Variants in PROSER2 observed in about 807,000 individuals in gnomAD.
PROSER2 encodes proline and serine rich 2.
Under a neutral mutation model 14.6 loss-of-function variants are expected in PROSER2, and 18 were observed. The observed-to-expected ratio is 1.23, with a 90% CI of 0.85 to 1.83. The LOEUF is 1.83. Among genes scored for constraint, PROSER2 ranks in the 40% most tolerant of loss-of-function variants. PROSER2 has a pLI of 0.00. For synonymous variants in PROSER2, 367 were observed against 286.4 expected (o/e 1.28, Z -2.84); for missense variants, 823 against 629.8 (o/e 1.31, Z -3.28).
chr10:11,844,423 C>G (rs532770172), intron 1 of PROSER2, among the ~76,000 whole-genome samples: 2 of 152,220 alleles, frequency 1.3e-5, no homozygotes, highest in Non-Finnish European at 2.9e-5. Context: ...CTACCCCTCA[C>G]GCCCAACAAT....
At chr10:11,841,853 C>A (rs541780763) in intron 1 of PROSER2, among the ~76,000 whole-genome samples, 1 of 152,272 alleles carries the variant, frequency 6.6e-6, no homozygotes, top group East Asian at 1.9e-4. Context: ...GAAGCTGTTG[C>A]GTATAATGTG....
In PROSER2 at chr10:11,825,122, G is replaced by T. The variant is rs181389400; in HGVS notation, c.-82+1652G>T. Among the ~76,000 whole-genome samples the T allele has an allele frequency of 1.1e-3, 163 of 152,316 alleles. 1 individual carries two copies. Among genetic ancestry groups the T allele is most frequent in the African/African-American group, 3.6e-3 (151 of 41,572 alleles). ...TCCAAAGTTCTTAGACACCCAAGGC[G>T]CCCAGAGTTGGCACTGTGTGTTGAT... On this transcript the variant is annotated intron_variant, in intron 1 of 3. Transcript: ENST00000277570.
rs1327765240 is a variant in PROSER2, at chr10:11,870,038, G to A, written c.940G>A (p.Glu314Lys). The A allele has an allele frequency of 3.1e-5, 39 of 1,238,408 alleles. No homozygotes were observed. Among genetic ancestry groups the A allele is most frequent in the Non-Finnish European group, 3.8e-5 (38 of 991,520 alleles). 76.7% of individuals were successfully genotyped at this position (1,238,408 alleles called of 1,614,324 possible). A position where few individuals can be genotyped will look rare whatever the true frequency, so the allele number is the denominator to read the frequency against. ...GGCCCCAGGGGGCGGCTCCTCCCCG[G>A]AGCGGGTGGCGCGTGGCCGGGGCCT... ...EGAPGGGSSPERVARGRGLPG... is the reference protein window; with the variant it reads ...EGAPGGGSSPKRVARGRGLPG... The change falls in exon 4 of 4, where the codon GAG (glutamate) becomes AAG (lysine). Residue 314 changes from glutamate (E) to lysine (K), a missense_variant. Transcript: ENST00000277570.
chr10:11,833,987 T>G (rs1201481208), intron 1 of PROSER2, among the ~76,000 whole-genome samples: 1 of 18,472 alleles, frequency 5.4e-5, no homozygotes, highest in African/African-American at 1.7e-4. Flanking sequence ...GCTCTTTCTT[T>G]TTTTTTTTTT....
intron 2 of PROSER2, among the ~76,000 whole-genome samples, chr10:11,853,461 A>G (rs576970250): frequency 6.6e-4 from 101 of 152,184 alleles, no homozygotes; most frequent in African/African-American, 2.4e-3. Flanking sequence ...GGTGGTGGGC[A>G]CCTGTAATCC....
At chr10:11,857,564 G>C (rs2131078651) in intron 2 of PROSER2, among the ~76,000 whole-genome samples, 1 of 152,144 alleles carries the variant, frequency 6.6e-6, no homozygotes, top group African/African-American at 2.4e-5. Context: ...GGCCAACATG[G>C]TGAAACTCCG....
At chr10:11,851,762 A>T (rs1282819715) in intron 1 of PROSER2, 1 of 181,938 alleles carries the variant, frequency 5.5e-6, no homozygotes, top group Admixed American at 6.2e-5. Context: ...TATCTCTGAA[A>T]AAAAAACAAC....
intron 2 of PROSER2, among the ~76,000 whole-genome samples, chr10:11,864,213 T>G (rs1382256344): frequency 6.6e-6 from 1 of 152,228 alleles, no homozygotes; most frequent in Non-Finnish European, 1.5e-5. Flanking sequence ...AGTTCACAAT[T>G]TATCCGGGTT....
At chr10:11,843,233 C>T (rs1376830650) in intron 1 of PROSER2, among the ~76,000 whole-genome samples, 1 of 150,608 alleles carries the variant, frequency 6.6e-6, no homozygotes, top group Non-Finnish European at 1.5e-5. Flanking sequence ...AGCCACCGCA[C>T]CCAGCCTTGC....
intron 2 of PROSER2, among the ~76,000 whole-genome samples, chr10:11,859,008 CAAAA>C (rs750181845): frequency 2.0e-4 from 12 of 61,156 alleles, no homozygotes; most frequent in African/African-American, 6.6e-4. Context: ...GACTCTGTCT[CAAAA>C]AAAAAAAAAA....
chr10:11,869,637 C>T lies in PROSER2; in HGVS notation c.539C>T (p.Pro180Leu), dbSNP rs767561195. 1.9e-6 allele frequency: 3 copies of T among 1,597,106 alleles called. No homozygotes were observed. Among genetic ancestry groups the T allele is most frequent in the Non-Finnish European group, 2.6e-6 (3 of 1,171,496 alleles). ...AGGAGGGAGCTGCGCGCCCCCTCCC[C>T]GCCGGTGGAGCACCCCAGACTCCTG... is the stretch of plus-strand genomic sequence containing the variant. ...PPRRELRAPSPPVEHPRLLRS... is the reference protein window; with the variant it reads ...PPRRELRAPSLPVEHPRLLRS... The change falls in exon 4 of 4, where the codon CCG (proline) becomes CTG (leucine). Residue 180 changes from proline (P) to leucine (L), a missense_variant. Physicochemically the swap from Pro to Leu is moderately conservative, Grantham distance 98. Transcript: ENST00000277570. This position sits in a 1 kb window ranked among gnomAD's most constrained non-coding sequence, Gnocchi z 4.4.
In PROSER2 at chr10:11,852,159, A is replaced by G. The variant is rs1834032238; in HGVS notation, c.82A>G (p.Arg28Gly). The change falls in exon 2 of 4, where the codon AGA becomes GGA. Residue 28 changes from arginine to glycine, a missense_variant. By Grantham distance (125) the Arg-to-Gly change is moderately radical. Coordinates refer to ENST00000277570, the MANE Select transcript of PROSER2 (RefSeq NM_153256.4). ...SPSCRLRAFS[R>G]GGSLESRSSS... ...CAGCTGCAGGCTCCGAGCCTTCAGC[A>G]GAGGCGGCAGCCTGGAGAGTCGAAG... The G allele has an allele frequency of 1.2e-6, 2 of 1,613,422 alleles. No individual in the cohort carries two copies. The highest frequency in any genetic ancestry group is 1.7e-5 in the Admixed American group (1 of 59,924).
chr10:11,859,354 G>A (rs1349081426), intron 2 of PROSER2, among the ~76,000 whole-genome samples: 5 of 152,158 alleles, frequency 3.3e-5, no homozygotes, highest in Non-Finnish European at 1.5e-5. Context: ...CATGAACCAG[G>A]AGGCGGAGGT....
chr10:11,866,676 A>G lies in PROSER2; in HGVS notation c.284A>G (p.Glu95Gly). ...GVCCLCSPSL[E>G]ESTSSPSEPE... Reference sequence around the variant, plus strand: ...TGCTGCCTCTGCTCCCCGTCTCTGGAGGAGAGCACCTCCAGTCCCTCCGAG... The same window carrying G: ...TGCTGCCTCTGCTCCCCGTCTCTGGGGGAGAGCACCTCCAGTCCCTCCGAG... Residue 95 changes from glutamate to glycine, a missense_variant, in exon 3 of 4, where the codon GAG becomes GGG. By Grantham distance (98) the Glu-to-Gly change is moderately conservative. Transcript: ENST00000277570. The surrounding 1 kb of genome is among the most constrained non-coding windows in gnomAD (Gnocchi z 6.0). 6.2e-7 allele frequency: 1 copy of G among 1,614,068 alleles called. No individual in the cohort carries two copies. Among genetic ancestry groups the G allele is most frequent in the Non-Finnish European group, 8.5e-7 (1 of 1,180,006 alleles).
In PROSER2 at chr10:11,866,057, A is replaced by G. The variant is rs757552022; in HGVS notation, c.139-474A>G. On this transcript the variant is annotated intron_variant, in intron 2 of 3. Coordinates refer to ENST00000277570, the MANE Select transcript of PROSER2 (RefSeq NM_153256.4). The surrounding 1 kb of genome is among the most constrained non-coding windows in gnomAD (Gnocchi z 6.0). The stretch of plus-strand genomic sequence containing the variant: ...CCCCAAAGATGATGCGTGCTCCACC[A>G]TCTCTCTTCCTGTTATTTTGTCATT... Among the ~76,000 whole-genome samples the G allele has an allele frequency of 6.6e-6, 1 of 151,868 alleles. No homozygotes were observed. The highest frequency in any genetic ancestry group is 1.5e-5 in the Non-Finnish European group (1 of 67,976).
chr10:11,833,243 T>TTTTTTC, intron 1 of PROSER2, among the ~76,000 whole-genome samples: 2 of 142,862 alleles, frequency 1.4e-5, no homozygotes, highest in Non-Finnish European at 3.0e-5. Context: ...GGCTTTTTTT[T>TTTTTTC]TTTTTTTTTT....
rs1834492475 is a variant in PROSER2 at position 11,871,682 on chromosome 10, T to C, written c.*1276T>C. ...GCCACAAGCGTTATCATCAAAACTA[T>C]TTAAGGCTGGAGTCTTAGACCTCTA... On this transcript the variant is annotated 3_prime_UTR_variant, in exon 4 of 4. Coordinates refer to ENST00000277570, the MANE Select transcript of PROSER2 (RefSeq NM_153256.4). 6.6e-6 allele frequency: 1 copy of C among 152,220 alleles called. No individual in the cohort carries two copies. The highest frequency in any genetic ancestry group is 2.4e-5 in the African/African-American group (1 of 41,454). 9.4% of individuals were successfully genotyped at this position (152,220 alleles called of 1,614,324 possible). A position where few individuals can be genotyped will look rare whatever the true frequency, so the allele number is the denominator to read the frequency against.
At position 11,869,643 on chromosome 10, in the gene PROSER2, T is replaced by C. The variant is rs753667639; in HGVS notation, c.545T>C (p.Val182Ala). Residue 182 changes from valine (V) to alanine (A), a missense_variant, in exon 4 of 4, where the codon GTG (valine) becomes GCG (alanine). Coordinates refer to ENST00000277570, the MANE Select transcript of PROSER2 (RefSeq NM_153256.4). The surrounding 1 kb of genome is among the most constrained non-coding windows in gnomAD (Gnocchi z 4.4). ...RRELRAPSPP[V>A]EHPRLLRSVP... ...GAGCTGCGCGCCCCCTCCCCGCCGGTGGAGCACCCCAGACTCCTGCGCTCT... is the reference window on the plus strand; with the variant it reads ...GAGCTGCGCGCCCCCTCCCCGCCGGCGGAGCACCCCAGACTCCTGCGCTCT... 6.2e-7 allele frequency: 1 copy of C among 1,601,270 alleles called. No homozygotes were observed. Among genetic ancestry groups the C allele is most frequent in the South Asian group, 1.1e-5 (1 of 89,272 alleles).
intron 3 of PROSER2, among the ~76,000 whole-genome samples, chr10:11,868,835 G>A (rs1834404284): frequency 6.6e-6 from 1 of 152,118 alleles, no homozygotes; most frequent in African/African-American, 2.4e-5. Flanking sequence ...ATTTTTAGTA[G>A]AGACAAGGTT....
Sources: allele counts gnomAD v4.1 joint callset (sites outside exome capture counted in the v4.1 genomes callset), GRCh38; gene constraint gnomAD v4.1.1; non-coding constraint Gnocchi (gnomAD v3.1); transcripts MANE v1.5; gene names NCBI Gene and HGNC (gene_info 2026-07-23, HGNC 2026-07-21).